The following VEPH1 variants were observed in gnomAD, a reference collection of about 807,000 sequenced individuals.
VEPH1 encodes ventricular zone-expressed PH domain-containing protein homolog 1.
Under a neutral mutation model 85.2 loss-of-function variants are expected in VEPH1, and 80 were observed. The ratio of observed to expected loss-of-function variants is 0.94; its 90% confidence interval spans 0.78 to 1.13. The LOEUF (loss-of-function observed/expected upper bound fraction) is 1.13, where lower values mean the gene tolerates loss of function less well. Among genes scored for constraint, VEPH1 ranks in the 50% most tolerant of loss-of-function variants. VEPH1 has a pLI of 0.00. For synonymous variants in VEPH1, 297 were observed against 348.0 expected (o/e 0.85, Z 1.63); for missense variants, 955 against 980.5 (o/e 0.97, Z 0.35).
At chr3:157,409,658 T>C in intron 6 of VEPH1, 5 of 985,426 alleles carry the variant, frequency 5.1e-6, no homozygotes, top group Non-Finnish European at 6.0e-6. Flanking sequence ...GATGCTGCTA[T>C]CAAGCTGTTG....
chr3:157,265,390 TG>T, intron 13 of VEPH1, 135 bp downstream of exon 13: 1 of 956,066 alleles, frequency 1.0e-6, no homozygotes, highest in Non-Finnish European at 1.5e-6. Context: ...CAGAAATGTG[TG>T]ATAAAACAAT....
At chr3:157,420,762 C>G (rs537187346) in intron 5 of VEPH1, among the ~76,000 whole-genome samples, 2 of 152,276 alleles carry the variant, frequency 1.3e-5, no homozygotes, top group Admixed American at 1.3e-4. Context: ...GAACAGATCA[C>G]AAAAGCAGCT....
At chr3:157,293,711 G>C (rs931933515) in intron 11 of VEPH1, among the ~76,000 whole-genome samples, 4 of 152,174 alleles carry the variant, frequency 2.6e-5, no homozygotes, top group African/African-American at 7.2e-5. Context: ...AAATTTAATG[G>C]AAGTGTATGA....
chr3:157,442,677 T>A (rs951755578), intron 4 of VEPH1: 2 of 1,614,192 alleles, frequency 1.2e-6, no homozygotes, highest in Non-Finnish European at 1.7e-6. Context: ...AGGGCTCACA[T>A]CCTTGTGGGT....
At chr3:157,362,756 G>A (rs760284928) in intron 9 of VEPH1, among the ~76,000 whole-genome samples, 4 of 152,160 alleles carry the variant, frequency 2.6e-5, no homozygotes, top group Non-Finnish European at 5.9e-5. Flanking sequence ...CATGTTTAAC[G>A]TAAGCTAGGC....
intron 4 of VEPH1, among the ~76,000 whole-genome samples, chr3:157,430,653 G>A (rs145480708): frequency 9.2e-5 from 14 of 152,294 alleles, no homozygotes; most frequent in East Asian, 1.9e-4. Context: ...TTGGAGGTAG[G>A]GTTTGAGCGT....
rs117890560 is a variant in VEPH1 at position 157,369,409 on chromosome 3, C to T, written c.1128-4897G>A. On this transcript the variant is annotated intron_variant, in intron 7 of 13. Coordinates refer to ENST00000362010, the MANE Select transcript of VEPH1 (RefSeq NM_001167912.2). ...AAAATGTCTGGGATAAAGAAATGCTCTCTAGATCTAAGGCTGATGAGAATT... is the reference window on the plus strand; with the variant it reads ...AAAATGTCTGGGATAAAGAAATGCTTTCTAGATCTAAGGCTGATGAGAATT... Among the ~76,000 whole-genome samples, 1,021 of 152,248 alleles carry T rather than the reference C, an allele frequency of 6.7e-3. 9 individuals are homozygous for T. The highest frequency in any genetic ancestry group is 0.047 in the East Asian group (246 of 5,180).
At chr3:157,298,676 A>C (rs540681953) in intron 11 of VEPH1, among the ~76,000 whole-genome samples, 1 of 152,350 alleles carries the variant, frequency 6.6e-6, no homozygotes, top group East Asian at 1.9e-4. Flanking sequence ...CTGTTGGCAG[A>C]AGAAATTACC....
intron 4 of VEPH1, among the ~76,000 whole-genome samples, chr3:157,447,380 T>C (rs1734632414): frequency 6.6e-6 from 1 of 152,224 alleles, no homozygotes; most frequent in African/African-American, 2.4e-5. Flanking sequence ...TAGTTTTCTA[T>C]GGGTATAAAT....
At chr3:157,488,912 CT>C (rs1738935734) in intron 2 of VEPH1, 1 of 34,648 alleles carries the variant, frequency 2.9e-5, no homozygotes, top group African/African-American at 5.2e-4. Flanking sequence ...TAAGTTCGTT[CT>C]CTCTCTCTCT....
At chr3:157,464,966 T>A (rs1035878396) in intron 3 of VEPH1, among the ~76,000 whole-genome samples, 1 of 152,226 alleles carries the variant, frequency 6.6e-6, no homozygotes, top group Non-Finnish European at 1.5e-5. Flanking sequence ...CTTCCCAGCA[T>A]AGCTATATGT....
intron 9 of VEPH1, among the ~76,000 whole-genome samples, chr3:157,356,272 AC>A (rs1343238321): frequency 6.6e-6 from 1 of 152,176 alleles, no homozygotes; most frequent in African/African-American, 2.4e-5. Context: ...ATAATTTTTC[AC>A]CAGTCCCTAA....
chr3:157,331,486 C>A (rs572365119), intron 9 of VEPH1, among the ~76,000 whole-genome samples: 1 of 152,312 alleles, frequency 6.6e-6, no homozygotes, highest in East Asian at 1.9e-4. Context: ...TTCAACCAAA[C>A]CTCACTTCAC....
chr3:157,427,597 AG>A (rs1174953594), intron 5 of VEPH1, among the ~76,000 whole-genome samples: 1 of 152,146 alleles, frequency 6.6e-6, no homozygotes, highest in Non-Finnish European at 1.5e-5. Flanking sequence ...CTGGGACTAC[AG>A]GTGCCTCCTC....
chr3:157,445,358 C>G (rs1454503186), intron 4 of VEPH1, among the ~76,000 whole-genome samples: 1 of 152,180 alleles, frequency 6.6e-6, no homozygotes, highest in African/African-American at 2.4e-5. Context: ...CGGGGTGGCT[C>G]AAGCCTGTAA....
At chr3:157,312,285 G>A (rs774110994) in intron 11 of VEPH1, among the ~76,000 whole-genome samples, 1 of 152,098 alleles carries the variant, frequency 6.6e-6, no homozygotes, top group Non-Finnish European at 1.5e-5. Context: ...CAGAATATTC[G>A]AGTTTGGGAA....
intron 4 of VEPH1, among the ~76,000 whole-genome samples, chr3:157,446,927 C>A (rs999661752): frequency 4.6e-5 from 7 of 152,112 alleles, no homozygotes; most frequent in African/African-American, 1.7e-4. Context: ...CTATGAGTCT[C>A]AAATTAGTCA....
intron 6 of VEPH1, chr3:157,409,712 G>T (rs1731397788): frequency 1.0e-5 from 10 of 985,234 alleles, no homozygotes; most frequent in Non-Finnish European, 1.2e-5. Flanking sequence ...TGAAAGACAG[G>T]CACACCCTGT....
chr3:157,474,993 GT>G (rs537394952), intron 2 of VEPH1, among the ~76,000 whole-genome samples: 1 of 147,912 alleles, frequency 6.8e-6, no homozygotes, highest in Non-Finnish European at 1.5e-5. Context: ...TTTAATTTTT[GT>G]TTTTTTTTCA....
Sources: allele counts gnomAD v4.1 joint callset (sites outside exome capture counted in the v4.1 genomes callset), GRCh38; gene constraint gnomAD v4.1.1; transcripts MANE v1.5; gene names NCBI Gene and HGNC (gene_info 2026-07-23, HGNC 2026-07-21).